The following ALG5 variants were observed in gnomAD, a reference collection of about 807,000 sequenced individuals.
ALG5 encodes dolichyl-phosphate beta-glucosyltransferase.
ALG5 carries 26 observed loss-of-function variants against 51.8 expected under a neutral mutation model. The observed-to-expected ratio is 0.50, with a 90% CI of 0.37 to 0.70. The LOEUF is 0.70. ALG5 is among the 30% of genes least tolerant of loss of function. The pLI, the probability that ALG5 is intolerant of heterozygous loss-of-function variation, is 0.00. For missense variants in ALG5, 311 were observed against 399.3 expected (o/e 0.78, Z 1.88); for synonymous variants, 141 against 136.1 (o/e 1.04, Z -0.25).
chr13:36,966,046 C>A (rs1329484714), intron 7 of ALG5, among the ~76,000 whole-genome samples: 1 of 152,186 alleles, frequency 6.6e-6, no homozygotes. Context: ...GTCTTGTTTA[C>A]TTACATATTT....
chr13:36,990,523 T>A (rs1400960449), intron 4 of ALG5, among the ~76,000 whole-genome samples: 1 of 152,262 alleles, frequency 6.6e-6, no homozygotes, highest in Non-Finnish European at 1.5e-5. Context: ...GGGAAACCCC[T>A]GGCCATCTTC....
At chr13:36,995,358 C>A in intron 2 of ALG5, 67 bp downstream of exon 2, 1 of 1,511,720 alleles carries the variant, frequency 6.6e-7, no homozygotes, top group Non-Finnish European at 9.0e-7. Flanking sequence ...ACAGTGAAGT[C>A]AAATACTTTA....
intron 6 of ALG5, among the ~76,000 whole-genome samples, chr13:36,980,803 T>C (rs2058975973): frequency 6.6e-6 from 1 of 151,718 alleles, no homozygotes; most frequent in South Asian, 2.1e-4. Flanking sequence ...TGAAACCCCA[T>C]CTCTACCAAA....
intron 7 of ALG5, among the ~76,000 whole-genome samples, chr13:36,970,151 G>A (rs991443782): frequency 7.9e-5 from 12 of 151,772 alleles, no homozygotes; most frequent in East Asian, 5.8e-4. Flanking sequence ...TCCCCCGTGC[G>A]TTGTTAAACT....
chr13:36,960,015 T>C (rs1003512608), intron 8 of ALG5, among the ~76,000 whole-genome samples: 1 of 151,960 alleles, frequency 6.6e-6, no homozygotes, highest in Non-Finnish European at 1.5e-5. Flanking sequence ...AGCCTGAACA[T>C]GAGTAAGTAA....
chr13:36,997,330 G>A (rs1364538245), intron 1 of ALG5, among the ~76,000 whole-genome samples: 2 of 151,846 alleles, frequency 1.3e-5, no homozygotes, highest in Admixed American at 6.6e-5. Flanking sequence ...AAAATTAACC[G>A]GGAGTGGTGG....
At chr13:36,975,973 C>CA (rs1224265439) in intron 6 of ALG5, among the ~76,000 whole-genome samples, 2,666 of 122,216 alleles carry the variant, frequency 0.022, 61 homozygotes, top group Admixed American at 0.064. Context: ...TAACTTGTCT[C>CA]AAAAAAAAAA....
At chr13:36,950,732 C>A (rs1422488830) in intron 9 of ALG5, among the ~76,000 whole-genome samples, 1 of 152,000 alleles carries the variant, frequency 6.6e-6, no homozygotes, top group Admixed American at 6.6e-5. Context: ...GTACAGGAGG[C>A]ACGCACCACA....
chr13:36,978,510 T>C (rs2058964646), intron 6 of ALG5, among the ~76,000 whole-genome samples: 1 of 152,076 alleles, frequency 6.6e-6, no homozygotes, highest in Non-Finnish European at 1.5e-5. Context: ...AAGTTAAATA[T>C]TTTCACACAA....
intron 8 of ALG5, among the ~76,000 whole-genome samples, chr13:36,962,426 T>C (rs1001457251): frequency 1.2e-4 from 19 of 152,310 alleles, no homozygotes; most frequent in Admixed American, 3.3e-4. Flanking sequence ...ATAAACATAA[T>C]GTACCCTAAA....
intron 8 of ALG5, among the ~76,000 whole-genome samples, chr13:36,957,568 G>A (rs558660026): frequency 4.0e-5 from 6 of 150,448 alleles, no homozygotes; most frequent in Non-Finnish European, 8.8e-5. Context: ...GAAAATGAAC[G>A]AAACACTCAA....
chr13:36,996,511 A>C (rs999132583), intron 1 of ALG5, among the ~76,000 whole-genome samples: 2 of 152,190 alleles, frequency 1.3e-5, no homozygotes, highest in African/African-American at 4.8e-5. Flanking sequence ...CAAAGTAGTC[A>C]ACCTGAATGG....
At chr13:36,957,296 CT>C (rs967110217) in intron 8 of ALG5, among the ~76,000 whole-genome samples, 25 of 151,612 alleles carry the variant, frequency 1.6e-4, no homozygotes, top group African/African-American at 5.8e-4. Flanking sequence ...ATGCCCAAAT[CT>C]CAGGGATTTC....
intron 1 of ALG5, among the ~76,000 whole-genome samples, chr13:36,998,207 C>A (rs2059060384): frequency 6.6e-6 from 1 of 152,034 alleles, no homozygotes; most frequent in Non-Finnish European, 1.5e-5. Flanking sequence ...CGCCAAAAAT[C>A]AATCAATCAA....
In ALG5 at chr13:36,989,490, A is replaced by G; in HGVS notation, c.441T>C (p.Ile147=). The change falls in exon 5 of 10, where the codon ATT becomes ATC. Residue 147 remains isoleucine, a synonymous_variant. Transcript: ENST00000239891. ...TGTTGAAAATATGTATTACCATTCT[A>G]ATCGCTCCACCTTTTCCACGATTCT... The part of the protein sequence containing the change: ...LVKNRGKGGA[I]RMGIFSSRGE... The G allele has an allele frequency of 6.2e-7, 1 of 1,610,162 alleles. No homozygotes were observed. Among genetic ancestry groups the G allele is most frequent in the Admixed American group, 1.7e-5 (1 of 59,978 alleles).
At chr13:36,988,878 A>C (rs1335691085) in intron 5 of ALG5, among the ~76,000 whole-genome samples, 3 of 152,200 alleles carry the variant, frequency 2.0e-5, no homozygotes, top group Non-Finnish European at 2.9e-5. Context: ...ATGAGGGAAA[A>C]ATAAATAAAT....
chr13:36,963,526 C>A lies in ALG5; in HGVS notation c.773+2049G>T, dbSNP rs147143838. ...ATAGCTGACTGAAAAATAGCTAATG[C>A]AGACAGAGGGCTTTACTTCTAGAGT... On this transcript the variant is annotated intron_variant, in intron 8 of 9. Coordinates refer to ENST00000239891, the MANE Select transcript of ALG5 (RefSeq NM_013338.5). 4.9e-3 allele frequency among the ~76,000 whole-genome samples: 742 copies of A among 152,234 alleles called. 6 individuals carry two copies. The highest frequency in any genetic ancestry group is 0.017 in the African/African-American group (721 of 41,542).
At chr13:36,993,959 C>T (rs530509829) in intron 3 of ALG5, among the ~76,000 whole-genome samples, 2 of 152,266 alleles carry the variant, frequency 1.3e-5, no homozygotes, top group African/African-American at 4.8e-5. Flanking sequence ...ACTTGTGGTG[C>T]TATAGCACAT....
At chr13:36,970,555 G>C (rs1271171104) in intron 7 of ALG5, among the ~76,000 whole-genome samples, 2 of 151,848 alleles carry the variant, frequency 1.3e-5, no homozygotes, top group African/African-American at 4.8e-5. Context: ...AGCCGAGATT[G>C]CGCCACTGCA....
Sources: allele counts gnomAD v4.1 joint callset (sites outside exome capture counted in the v4.1 genomes callset), GRCh38; gene constraint gnomAD v4.1.1; transcripts MANE v1.5; gene names NCBI Gene and HGNC (gene_info 2026-07-23, HGNC 2026-07-21).